DDHD1: variants seen among roughly 807,000 people sequenced by gnomAD.
DDHD1 encodes phospholipase DDHD1.
Under a neutral mutation model 96.4 loss-of-function variants are expected in DDHD1, and 49 were observed. The ratio of observed to expected loss-of-function variants is 0.51; its 90% confidence interval spans 0.40 to 0.64. The LOEUF is 0.64. Ranked by LOEUF, DDHD1 falls within the 30% of genes least tolerant of loss-of-function variation. The pLI is 0.00. For missense variants in DDHD1, 1,106 were observed against 1,161.2 expected (o/e 0.95, Z 0.69); for synonymous variants, 442 against 446.5 (o/e 0.99, Z 0.13).
In DDHD1 at chr14:53,046,720, G is replaced by T. The variant is rs563082693; in HGVS notation, c.*48C>A. 14 of 1,330,596 alleles carry T rather than the reference G, an allele frequency of 1.1e-5. No individual in the cohort carries two copies. In the East Asian group the frequency reaches 1.3e-4, roughly 12 times the overall value. 82.4% of individuals were successfully genotyped at this position (1,330,596 alleles called of 1,614,324 possible). On this transcript the variant is annotated 3_prime_UTR_variant, in exon 13 of 13. Coordinates refer to ENST00000673822, the MANE Select transcript of DDHD1 (RefSeq NM_001160148.2). ...CGTATCTTGACACACACATTTTAAC[G>T]GAAAAAAAAAAAATCAGTTTTAGGC...
At position 53,147,905 on chromosome 14, in the gene DDHD1, G is replaced by A. The variant is rs577418260; in HGVS notation, c.838+4356C>T. On this transcript the variant is annotated intron_variant, in intron 1 of 12. Transcript: ENST00000673822. ...TGGGACTCCATTATTTTCCCATGAT[G>A]CCCTGTGCCACACAAAGGATTGTTA... 3.9e-5 allele frequency among the ~76,000 whole-genome samples: 6 copies of A among 152,266 alleles called. No homozygotes were observed. The East Asian group carries it at 7.7e-4, about 20-fold the overall frequency.
At chr14:53,093,603 T>C in intron 2 of DDHD1, 159 bp from the exon 3 acceptor site, 2 of 906,448 alleles carry the variant, frequency 2.2e-6, no homozygotes, top group South Asian at 3.7e-5. Flanking sequence ...AAAAGTTATG[T>C]GAAGCAAGTA....
intron 1 of DDHD1, among the ~76,000 whole-genome samples, chr14:53,144,916 G>A (rs1890873238): frequency 6.6e-6 from 1 of 152,190 alleles, no homozygotes; most frequent in African/African-American, 2.4e-5. Flanking sequence ...TTGGGAGGCT[G>A]AGGCAGGTAA....
At chr14:53,061,898 G>C (rs1262535761) in intron 7 of DDHD1, among the ~76,000 whole-genome samples, 1 of 151,874 alleles carries the variant, frequency 6.6e-6, no homozygotes, top group Non-Finnish European at 1.5e-5. Context: ...GCCGGGCGTG[G>C]TAGCAGTTGC....
At chr14:53,127,502 T>C (rs1338602838) in intron 1 of DDHD1, among the ~76,000 whole-genome samples, 3 of 152,260 alleles carry the variant, frequency 2.0e-5, no homozygotes, top group Non-Finnish European at 2.9e-5. Flanking sequence ...ATTATGGCAT[T>C]ATTTTAATTT....
At chr14:53,134,932 C>A (rs1393408080) in intron 1 of DDHD1, among the ~76,000 whole-genome samples, 1 of 152,038 alleles carries the variant, frequency 6.6e-6, no homozygotes, top group Non-Finnish European at 1.5e-5. Flanking sequence ...ACAATATCAC[C>A]CCTTACCCCA....
intron 2 of DDHD1, chr14:53,096,093 G>T (rs1385398895): frequency 1.0e-6 from 1 of 961,080 alleles, no homozygotes; most frequent in African/African-American, 1.8e-5. Context: ...ACTACATGGA[G>T]AAATAAAACT....
intron 9 of DDHD1, among the ~76,000 whole-genome samples, chr14:53,057,571 TA>T: frequency 6.6e-6 from 1 of 152,198 alleles, no homozygotes; most frequent in African/African-American, 2.4e-5. Context: ...TACTTTAGAT[TA>T]AAAAAGTATT....
chr14:53,058,341 C>G lies in DDHD1; in HGVS notation c.1992+136G>C. On this transcript the variant is annotated intron_variant, in intron 9 of 12. Coordinates refer to ENST00000673822, the MANE Select transcript of DDHD1 (RefSeq NM_001160148.2). The stretch of plus-strand genomic sequence containing the variant: ...CATTGGTCAGGCTGGTCTTGAACTC[C>G]TGACCTCAGATGATGCGCCCGCCTC... 3.1e-6 allele frequency: 3 copies of G among 962,288 alleles called. No individual in the cohort carries two copies. In the East Asian group the frequency reaches 7.9e-5, roughly 25 times the overall value. The allele number at this position is 962,288 out of a possible 1,614,324, so 59.6% of individuals were successfully genotyped here.
At chr14:53,054,733 T>C (rs1882892802) in intron 10 of DDHD1, 104 bp from the exon 11 acceptor site, 1 of 1,088,300 alleles carries the variant, frequency 9.2e-7, no homozygotes, top group African/African-American at 1.6e-5. Context: ...GACCAAACCC[T>C]AGTCATGTTT....
At chr14:53,127,031 G>GTA (rs970792187) in intron 1 of DDHD1, among the ~76,000 whole-genome samples, 1 of 152,162 alleles carries the variant, frequency 6.6e-6, no homozygotes, top group Admixed American at 6.5e-5. Context: ...AAAGATTTGT[G>GTA]TAGTCAAAAT....
chr14:53,041,765 T>C lies in DDHD1; in HGVS notation c.*5003A>G, dbSNP rs1269318569. ...AGTCTGTCCAGACCTGATAGGGTACTCTTATGAGAGTCTGGAAGAAAGAAG... is the reference window on the plus strand; with the variant it reads ...AGTCTGTCCAGACCTGATAGGGTACCCTTATGAGAGTCTGGAAGAAAGAAG... On this transcript the variant is annotated 3_prime_UTR_variant, in exon 13 of 13. Coordinates refer to ENST00000673822, the MANE Select transcript of DDHD1 (RefSeq NM_001160148.2). 1 of 152,182 alleles carries C rather than the reference T, an allele frequency of 6.6e-6. No individual in the cohort carries two copies. The highest frequency in any genetic ancestry group is 2.4e-5 in the African/African-American group (1 of 41,440). The allele number at this position is 152,182 out of a possible 1,614,324, so 9.4% of individuals were successfully genotyped here. A position where few individuals can be genotyped will look rare whatever the true frequency, so the allele number is the denominator to read the frequency against.
intron 1 of DDHD1, among the ~76,000 whole-genome samples, chr14:53,140,925 T>A (rs1366732886): frequency 6.6e-6 from 1 of 152,186 alleles, no homozygotes; most frequent in African/African-American, 2.4e-5. Context: ...GCTATATTAG[T>A]ATCAAATAAA....
At chr14:53,091,722 T>G in intron 4 of DDHD1, 63 bp downstream of exon 4, 2 of 1,542,606 alleles carry the variant, frequency 1.3e-6, no homozygotes, top group South Asian at 1.2e-5. Flanking sequence ...TAATATCTCT[T>G]ATACCCTGGA....
chr14:53,055,391 G>GAATAT (rs1882955850), intron 10 of DDHD1, among the ~76,000 whole-genome samples: 1 of 152,164 alleles, frequency 6.6e-6, no homozygotes, highest in African/African-American at 2.4e-5. Context: ...CAAGTGGTAG[G>GAATAT]ACCAAGATTA....
At chr14:53,064,576 C>T (rs1307339458) in intron 6 of DDHD1, among the ~76,000 whole-genome samples, 4 of 152,076 alleles carry the variant, frequency 2.6e-5, no homozygotes, top group Non-Finnish European at 4.4e-5. Flanking sequence ...ATCAAATTAT[C>T]TAAGGCAGAG....
intron 1 of DDHD1, among the ~76,000 whole-genome samples, chr14:53,111,117 T>G (rs1481008504): frequency 6.6e-6 from 1 of 152,196 alleles, no homozygotes; most frequent in Non-Finnish European, 1.5e-5. Flanking sequence ...ACTATGCAAA[T>G]GCTTGAGTGG....
At chr14:53,147,718 T>C (rs555025758) in intron 1 of DDHD1, among the ~76,000 whole-genome samples, 2 of 152,318 alleles carry the variant, frequency 1.3e-5, no homozygotes, top group South Asian at 4.1e-4. Context: ...AGGGTTCCAA[T>C]GCAGTCCAAG....
chr14:53,131,001 C>A (rs559716729), intron 1 of DDHD1, among the ~76,000 whole-genome samples: 1 of 152,170 alleles, frequency 6.6e-6, no homozygotes, highest in South Asian at 2.1e-4. Context: ...TTCTTTTCAA[C>A]GGCCTGTTTC....
Sources: gnomAD v4.1 joint callset for allele counts (sites outside exome capture counted in the v4.1 genomes callset) on GRCh38, gnomAD v4.1.1 for gene constraint, MANE v1.5 for transcripts, NCBI Gene and HGNC (gene_info 2026-07-23, HGNC 2026-07-21) for gene names.